The following ZBTB8A variants were observed in gnomAD, a reference collection of about 807,000 sequenced individuals.
ZBTB8A encodes the protein zinc finger and BTB domain containing 8A, also known as zinc finger and BTB domain-containing protein 8A.
A neutral mutation model predicts 37.8 loss-of-function variants in ZBTB8A; 19 were observed. The ratio of observed to expected loss-of-function variants is 0.50; its 90% confidence interval spans 0.35 to 0.74. The LOEUF (loss-of-function observed/expected upper bound fraction) is 0.74, where lower values mean the gene tolerates loss of function less well. ZBTB8A is among the 30% of genes least tolerant of loss of function. The pLI is 0.01. For synonymous variants in ZBTB8A, 181 were observed against 185.2 expected, an observed-to-expected ratio of 0.98 and a Z score of 0.19; for missense variants, 394 against 537.8, an observed-to-expected ratio of 0.73 and a Z score of 2.65.
intron 2 of ZBTB8A, among the ~76,000 whole-genome samples, chr1:32,555,893 T>TA (rs943061777): frequency 6.6e-6 from 1 of 151,198 alleles, no homozygotes; most frequent in Non-Finnish European, 1.5e-5. Context: ...GTTTCAAATT[T>TA]AAAAAAAAAT....
rs1557707667 is a variant in ZBTB8A at position 32,567,814 on chromosome 1, A to AAAAAAC, written c.-2+14279_-2+14280insCAAAAA. Among the ~76,000 whole-genome samples the AAAAAAC allele has an allele frequency of 7.6e-4, 23 of 30,454 alleles. 1 individual carries two copies. The highest frequency in any genetic ancestry group is 1.7e-3 in the African/African-American group (10 of 5,952). The allele number at this position is 30,454 out of a possible 152,430, so 20.0% of individuals were successfully genotyped here. A position where few individuals can be genotyped will look rare whatever the true frequency, so the allele number is the denominator to read the frequency against. ...CTCAAAAAAAAAAAAAAAAAAAAAA[A>AAAAAAC]AAAAAAAAACAAAAACAAAACAAAA... On this transcript the variant is annotated intron_variant, in intron 2 of 4. Transcript: ENST00000373510.
intron 2 of ZBTB8A, among the ~76,000 whole-genome samples, chr1:32,559,827 G>T: frequency 6.6e-6 from 1 of 152,136 alleles, no homozygotes; most frequent in African/African-American, 2.4e-5. Context: ...GGATTAATGG[G>T]TTATCATGGG....
intron 2 of ZBTB8A, 52 bp from the exon 3 acceptor site, chr1:32,592,879 A>G: frequency 7.0e-7 from 1 of 1,430,170 alleles, no homozygotes; most frequent in Non-Finnish European, 9.5e-7. Context: ...AAAACAAAAT[A>G]AAATAATTGT....
chr1:32,585,151 C>T (rs149163286), intron 2 of ZBTB8A, among the ~76,000 whole-genome samples: 1 of 151,338 alleles, frequency 6.6e-6, no homozygotes, highest in African/African-American at 2.4e-5. Flanking sequence ...CTACCTCGGC[C>T]TCCCAAGTAG....
In ZBTB8A at chr1:32,571,016, C is replaced by T. The variant is rs561192872; in HGVS notation, c.-2+17476C>T. On this transcript the variant is annotated intron_variant, in intron 2 of 4. Transcript: ENST00000373510. ...TCAGCCTCCTGCGTAGCTGGGATTA[C>T]AGGTGCCCACCACCACGCCCGGCTT... Among the ~76,000 whole-genome samples the T allele has an allele frequency of 5.3e-5, 8 of 152,206 alleles. No homozygotes were observed. In the East Asian group the frequency reaches 1.4e-3, roughly 26 times the overall value.
intron 3 of ZBTB8A, among the ~76,000 whole-genome samples, chr1:32,594,206 A>G (rs188228358): frequency 0.015 from 2,209 of 152,020 alleles, 62 homozygotes; most frequent in African/African-American, 0.049. Context: ...AAAAACAAAA[A>G]AAGAAGAAAT....
At chr1:32,550,994 C>T (rs1315125498) in intron 1 of ZBTB8A, among the ~76,000 whole-genome samples, 1 of 150,482 alleles carries the variant, frequency 6.6e-6, no homozygotes, top group Non-Finnish European at 1.5e-5. Flanking sequence ...TACCACCGTA[C>T]ACACCCAGTA....
chr1:32,585,734 G>T (rs1644442763), intron 2 of ZBTB8A, among the ~76,000 whole-genome samples: 7 of 152,146 alleles, frequency 4.6e-5, no homozygotes, highest in Admixed American at 4.6e-4. Context: ...AGCCCTGGTG[G>T]CTCAACACCT....
chr1:32,545,578 T>G (rs1644096390), intron 1 of ZBTB8A, among the ~76,000 whole-genome samples: 1 of 152,176 alleles, frequency 6.6e-6, no homozygotes, highest in South Asian at 2.1e-4. Context: ...CAGAAGTGCC[T>G]CAGAACCCCC....
At chr1:32,586,500 A>G (rs999208956) in intron 2 of ZBTB8A, among the ~76,000 whole-genome samples, 2 of 152,128 alleles carry the variant, frequency 1.3e-5, no homozygotes, top group African/African-American at 4.8e-5. Context: ...GATAATAAAC[A>G]AATACATAAA....
chr1:32,593,458 G>A lies in ZBTB8A; in HGVS notation c.527G>A (p.Ser176Asn), dbSNP rs751707803. ...CCAGAGCAAGGAACAGGTATAATAA[G>A]TGGAAAATCTTGGAATAAGTATAAT... ...LSPEQGTGII[S>N]GKSWNKYNYH... Residue 176 changes from serine (S) to asparagine (N), a missense_variant, in exon 3 of 5, where the codon AGT becomes AAT. Ser to Asn is a conservative substitution (Grantham distance 46, BLOSUM62 1). Transcript: ENST00000373510. The A allele has an allele frequency of 1.9e-6, 3 of 1,613,974 alleles. No individual in the cohort carries two copies. The highest frequency in any genetic ancestry group is 3.3e-5 in the Admixed American group (2 of 59,996).
Position 32,600,666 on chromosome 1 carries a change from T to C in ZBTB8A, c.*247T>C, listed in dbSNP as rs532392103. On this transcript the variant is annotated 3_prime_UTR_variant, in exon 5 of 5. Transcript: ENST00000373510. ...TGGCTTGATGGATGAACAATTATCC[T>C]CTTACTTTCATTACAATCCTCTTAC... 523 of 407,704 alleles carry C rather than the reference T, an allele frequency of 1.3e-3. No individual in the cohort carries two copies. The highest frequency in any genetic ancestry group is 2.0e-3 in the Non-Finnish European group (449 of 227,458). 25.3% of individuals were successfully genotyped at this position (407,704 alleles called of 1,614,324 possible). A position where few individuals can be genotyped will look rare whatever the true frequency, so the allele number is the denominator to read the frequency against.
rs528533988 is a variant in ZBTB8A, at chr1:32,602,890, A to G, written c.*2471A>G. 6 of 152,016 alleles carry G rather than the reference A, an allele frequency of 3.9e-5. No individual in the cohort carries two copies. The highest frequency in any genetic ancestry group is 1.2e-4 in the African/African-American group (5 of 41,472). 9.4% of individuals were successfully genotyped at this position (152,016 alleles called of 1,614,324 possible). Reference sequence around the variant, plus strand: ...TTTAAATGCCATGACATACCTCAAAATTATCCTTTTTATGTTACTATTTTC... The same window carrying G: ...TTTAAATGCCATGACATACCTCAAAGTTATCCTTTTTATGTTACTATTTTC... On this transcript the variant is annotated 3_prime_UTR_variant, in exon 5 of 5. Coordinates refer to ENST00000373510, the MANE Select transcript of ZBTB8A (RefSeq NM_001040441.3).
rs752486386 is a variant in ZBTB8A, at chr1:32,593,448, G to A, written c.517G>A (p.Gly173Ser). 78 of 1,613,774 alleles carry A rather than the reference G, an allele frequency of 4.8e-5. No individual in the cohort carries two copies. The highest frequency in any genetic ancestry group is 6.4e-5 in the Non-Finnish European group (75 of 1,180,032). ...RSHLSPEQGT[G>S]IISGKSWNKY... ...TCACCTAAGCCCAGAGCAAGGAACAGGTATAATAAGTGGAAAATCTTGGAA... is the reference window on the plus strand; with the variant it reads ...TCACCTAAGCCCAGAGCAAGGAACAAGTATAATAAGTGGAAAATCTTGGAA... The change falls in exon 3 of 5, where the codon GGT becomes AGT. Residue 173 changes from glycine to serine, a missense_variant. Physicochemically the swap from Gly to Ser is moderately conservative, Grantham distance 56 (BLOSUM62 0). Transcript: ENST00000373510.
chr1:32,554,496 A>G (rs937408769), intron 2 of ZBTB8A, among the ~76,000 whole-genome samples: 6 of 141,872 alleles, frequency 4.2e-5, no homozygotes, highest in African/African-American at 1.6e-4. Flanking sequence ...TTATTTATTT[A>G]TTTATTTATT....
At chr1:32,567,791 CAAAAAAAAAAA>C (rs1214976482) in intron 2 of ZBTB8A, among the ~76,000 whole-genome samples, 6 of 6,422 alleles carry the variant, frequency 9.3e-4, no homozygotes, top group African/African-American at 4.1e-3. Context: ...GATTCTGTCT[CAAAAAAAAAAA>C]AAAAAAAAAA....
chr1:32,586,023 A>G (rs564805365), intron 2 of ZBTB8A, among the ~76,000 whole-genome samples: 1 of 149,466 alleles, frequency 6.7e-6, no homozygotes, highest in Non-Finnish European at 1.5e-5. Flanking sequence ...AACAAAAAAA[A>G]AGAACGATTT....
chr1:32,582,502 G>A (rs920281658), intron 2 of ZBTB8A, among the ~76,000 whole-genome samples: 2 of 152,060 alleles, frequency 1.3e-5, no homozygotes, highest in Non-Finnish European at 2.9e-5. Flanking sequence ...ACAAAAATTA[G>A]CTGGACATGG....
At chr1:32,582,846 G>C (rs182149984) in intron 2 of ZBTB8A, among the ~76,000 whole-genome samples, 1 of 152,052 alleles carries the variant, frequency 6.6e-6, no homozygotes, top group Non-Finnish European at 1.5e-5. Flanking sequence ...GTCTTTGGGC[G>C]CATAATGAGA....
Sources: gnomAD v4.1 joint callset for allele counts (sites outside exome capture counted in the v4.1 genomes callset) on GRCh38, gnomAD v4.1.1 for gene constraint, MANE v1.5 for transcripts, NCBI Gene and HGNC (gene_info 2026-07-23, HGNC 2026-07-21) for gene names.